The following SPAG6 variants were observed in gnomAD, a reference collection of about 807,000 sequenced individuals.
The protein encoded by SPAG6 is sperm-associated antigen 6.
SPAG6 carries 49 observed loss-of-function variants against 58.5 expected under a neutral mutation model. The ratio of observed to expected loss-of-function variants is 0.84; its 90% CI spans 0.67 to 1.06. The LOEUF is 1.06. Among genes scored for constraint, SPAG6 ranks in the 50% least tolerant of loss-of-function variants. The pLI is 0.00. For synonymous variants in SPAG6, 233 were observed against 225.6 expected (o/e 1.03, Z -0.29); for missense variants, 560 against 611.3 (o/e 0.92, Z 0.89).
intron 10 of SPAG6, among the ~76,000 whole-genome samples, chr10:22,413,688 G>GATATATATATATATATAT (rs59765652): frequency 1.1e-3 from 155 of 141,630 alleles, no homozygotes; most frequent in African/African-American, 4.1e-3. Flanking sequence ...TCAAATTTCT[G>GATATATATATATATATAT]ATATATATAT....
rs1008548715 is a variant in SPAG6 at position 22,409,906 on chromosome 10, T to C, written c.1315-1125T>C. Among the ~76,000 whole-genome samples, 3 of 152,166 alleles carry C rather than the reference T, an allele frequency of 2.0e-5. 1 individual carries two copies. The highest frequency in any genetic ancestry group is 7.2e-5 in the African/African-American group (3 of 41,432). On this transcript the variant is annotated intron_variant, in intron 9 of 10. Transcript: ENST00000376624. ...ACCTGCAACATCTTTAGCCTTTAGT[T>C]CTATCCTACCGTGGTCTACTGATAC... is the stretch of plus-strand genomic sequence containing the variant.
At chr10:22,358,339 T>C (rs1253979494) in intron 2 of SPAG6, among the ~76,000 whole-genome samples, 9 of 151,164 alleles carry the variant, frequency 6.0e-5, no homozygotes, top group Non-Finnish European at 1.0e-4. Flanking sequence ...TGGCCAGTGA[T>C]GGTGAGCATT....
chr10:22,413,962 T>C (rs989135888), intron 10 of SPAG6, among the ~76,000 whole-genome samples: 2 of 152,164 alleles, frequency 1.3e-5, no homozygotes, highest in African/African-American at 4.8e-5. Flanking sequence ...TAAATATTTA[T>C]TTCATACTGC....
rs1005373694 is a variant in SPAG6, at chr10:22,357,441, C to CA, written c.122-7405dup. Reference sequence around the variant, plus strand: ...TCAAGAGTAATTCAAAAATGTATGGCAAAAAAAGCCTCTAACTATGGGACC... The same window carrying CA: ...TCAAGAGTAATTCAAAAATGTATGGCAAAAAAAAGCCTCTAACTATGGGACC... On this transcript the variant is annotated intron_variant, in intron 2 of 10. Coordinates refer to ENST00000376624, the MANE Select transcript of SPAG6 (RefSeq NM_012443.4). 2.0e-5 allele frequency among the ~76,000 whole-genome samples: 3 copies of CA among 151,544 alleles called. No homozygotes were observed. In the South Asian group the frequency reaches 6.3e-4, roughly 32 times the overall value.
intron 4 of SPAG6, 59 bp from the exon 5 acceptor site, chr10:22,386,695 A>C: frequency 1.5e-6 from 2 of 1,334,910 alleles, no homozygotes; most frequent in Non-Finnish European, 2.2e-6. Context: ...AGGGTGAAAA[A>C]TGGCTTGCAC....
intron 9 of SPAG6, among the ~76,000 whole-genome samples, chr10:22,401,982 G>GTAGTAGCCC (rs2130618199): frequency 6.6e-6 from 1 of 152,298 alleles, no homozygotes; most frequent in African/African-American, 2.4e-5. Context: ...GTCTGTACAA[G>GTAGTAGCCC]TAGTAGCCCA....
At chr10:22,383,066 T>G (rs1243079561) in intron 4 of SPAG6, among the ~76,000 whole-genome samples, 1 of 152,216 alleles carries the variant, frequency 6.6e-6, no homozygotes, top group South Asian at 2.1e-4. Flanking sequence ...ATTATAAAAA[T>G]TTTTTGAAGA....
chr10:22,415,472 C>T (rs988327666), intron 10 of SPAG6, among the ~76,000 whole-genome samples: 29 of 151,964 alleles, frequency 1.9e-4, no homozygotes, highest in Non-Finnish European at 5.9e-5. Context: ...CGAAGAAACC[C>T]ACTGTTGAAA....
At chr10:22,346,904 A>G (rs1001606471) in intron 2 of SPAG6, among the ~76,000 whole-genome samples, 1 of 152,210 alleles carries the variant, frequency 6.6e-6, no homozygotes, top group Non-Finnish European at 1.5e-5. Flanking sequence ...GGGATAATAC[A>G]GAGAGATCCC....
chr10:22,361,326 T>C (rs1837031575), intron 2 of SPAG6: 1 of 152,688 alleles, frequency 6.5e-6, no homozygotes, highest in Non-Finnish European at 1.5e-5. Context: ...AGGAAGAGAA[T>C]TGTGAGTCAT....
chr10:22,373,256 T>C (rs1833742219), intron 4 of SPAG6, among the ~76,000 whole-genome samples: 2 of 152,188 alleles, frequency 1.3e-5, no homozygotes, highest in Admixed American at 6.5e-5. Context: ...TCCTCTTTAC[T>C]AGATAGATAA....
rs141175857 is a variant in SPAG6, at chr10:22,380,149, G to A, written c.473-6605G>A. 2.4e-4 allele frequency among the ~76,000 whole-genome samples: 37 copies of A among 152,248 alleles called. 4 individuals are homozygous for A. Among genetic ancestry groups the A allele is most frequent in the South Asian group, 2.3e-3 (11 of 4,824 alleles). ...TACCAAAATCATGCTGGAGTTACCA[G>A]TAAGTAACCAGCTTTGGTAATTGCA... On this transcript the variant is annotated intron_variant, in intron 4 of 10. Transcript: ENST00000376624.
intron 2 of SPAG6, among the ~76,000 whole-genome samples, chr10:22,358,274 A>G (rs1476338302): frequency 6.6e-6 from 1 of 152,122 alleles, no homozygotes; most frequent in Non-Finnish European, 1.5e-5. Context: ...AATGATCGCC[A>G]TTCTAACTGG....
intron 4 of SPAG6, 29 bp downstream of exon 4, chr10:22,368,707 TA>T: frequency 1.3e-6 from 2 of 1,535,650 alleles, no homozygotes; most frequent in Non-Finnish European, 1.8e-6. Context: ...GAGCATATTT[TA>T]AAATAGGATT....
At position 22,401,292 on chromosome 10, in the gene SPAG6, C is replaced by T. The variant is rs758235166; in HGVS notation, c.1314+15C>T. 28 of 1,186,566 alleles carry T rather than the reference C, an allele frequency of 2.4e-5. No homozygotes were observed. The highest frequency in any genetic ancestry group is 1.5e-4 in the Admixed American group (8 of 55,118). The allele number at this position is 1,186,566 out of a possible 1,614,324, so 73.5% of individuals were successfully genotyped here. A position where few individuals can be genotyped will look rare whatever the true frequency, so the allele number is the denominator to read the frequency against. On this transcript the variant is annotated intron_variant, in intron 9 of 10. Transcript: ENST00000376624. ...AGTTCAGTAAGGTAAGAAATGCCAG[C>T]CTCTAAGGGGAGGAAGAAAATTAAA...
At chr10:22,392,911 G>T (rs1372129996) in intron 8 of SPAG6, among the ~76,000 whole-genome samples, 2 of 151,966 alleles carry the variant, frequency 1.3e-5, no homozygotes, top group African/African-American at 4.8e-5. Context: ...GAGAGAAATT[G>T]GTTTCTAAGA....
rs752130290 is a variant in SPAG6, at chr10:22,401,235, T to C, written c.1272T>C (p.Ala424=). 6.2e-7 allele frequency: 1 copy of C among 1,603,908 alleles called. No individual in the cohort carries two copies. The highest frequency in any genetic ancestry group is 1.1e-5 in the South Asian group (1 of 90,820). ...CCCTTGAACCATTTCTATATGATGC[T>C]CCTCCCAATATTCTGAAACATGTGG... ...LPALEPFLYD[A]PPNILKHVVG... is the part of the protein sequence containing the mutation. The change falls in exon 9 of 11, where the codon GCT becomes GCC. Residue 424 remains alanine, a synonymous_variant. Coordinates refer to ENST00000376624, the MANE Select transcript of SPAG6 (RefSeq NM_012443.4).
chr10:22,382,714 G>A (rs1420807554), intron 4 of SPAG6, among the ~76,000 whole-genome samples: 1 of 152,072 alleles, frequency 6.6e-6, no homozygotes, highest in Non-Finnish European at 1.5e-5. Context: ...TTTAAAATAA[G>A]AAACTTTCTG....
intron 9 of SPAG6, among the ~76,000 whole-genome samples, chr10:22,409,784 C>CT (rs938916489): frequency 1.6e-4 from 24 of 151,452 alleles, no homozygotes; most frequent in African/African-American, 3.1e-4. Context: ...TCTGGTCAGT[C>CT]TTTTTTTTTG....
Sources: gnomAD v4.1 joint callset for allele counts (sites outside exome capture counted in the v4.1 genomes callset) on GRCh38, gnomAD v4.1.1 for gene constraint, MANE v1.5 for transcripts, NCBI Gene and HGNC (gene_info 2026-07-23, HGNC 2026-07-21) for gene names.